TANGO6: variants seen among roughly 807,000 people sequenced by gnomAD.
TANGO6 encodes transport and golgi organization 6 homolog.
A neutral mutation model predicts 114.2 loss-of-function variants in TANGO6; 90 were observed. The ratio of observed to expected loss-of-function variants is 0.79; its 90% CI spans 0.66 to 0.94. The LOEUF is 0.94. Ranked by LOEUF, TANGO6 falls within the 40% of genes least tolerant of loss-of-function variation. The pLI is 0.00. For missense variants in TANGO6, 1,274 were observed against 1,315.3 expected (o/e 0.97, Z 0.49); for synonymous variants, 477 against 509.8 (o/e 0.94, Z 0.87).
chr16:68,982,764 G>A (rs1963851650), intron 15 of TANGO6, among the ~76,000 whole-genome samples: 1 of 151,196 alleles, frequency 6.6e-6, no homozygotes, highest in African/African-American at 2.4e-5. Context: ...GAGCCACGGT[G>A]CCCAGTCCTC....
chr16:69,007,681 C>T (rs531811895), intron 15 of TANGO6, among the ~76,000 whole-genome samples: 1 of 152,256 alleles, frequency 6.6e-6, no homozygotes, highest in East Asian at 1.9e-4. Context: ...AATGTGTTTT[C>T]AGTTCTCTCG....
chr16:68,875,032 AT>A, intron 4 of TANGO6, 121 bp from the exon 5 acceptor site: 1 of 1,056,254 alleles, frequency 9.5e-7, no homozygotes, highest in Non-Finnish European at 1.3e-6. Flanking sequence ...ATAGAAAAAA[AT>A]AAACTATTTT....
chr16:68,910,685 A>G (rs1962910538), intron 11 of TANGO6, among the ~76,000 whole-genome samples: 1 of 152,208 alleles, frequency 6.6e-6, no homozygotes, highest in African/African-American at 2.4e-5. Flanking sequence ...TTGTTTTATT[A>G]TTATTTTTTG....
At chr16:68,991,153 G>T (rs1307765660) in intron 15 of TANGO6, among the ~76,000 whole-genome samples, 2 of 152,210 alleles carry the variant, frequency 1.3e-5, no homozygotes, top group African/African-American at 4.8e-5. Flanking sequence ...GGAGAAGAAA[G>T]GCTAGATAGA....
intron 12 of TANGO6, among the ~76,000 whole-genome samples, chr16:68,925,193 C>T (rs573199175): frequency 4.6e-5 from 7 of 152,196 alleles, no homozygotes; most frequent in African/African-American, 1.7e-4. Flanking sequence ...ACCTGGAGTC[C>T]CAGCTACTCA....
At chr16:69,035,261 A>G (rs952441836) in intron 16 of TANGO6, 1 of 152,234 alleles carries the variant, frequency 6.6e-6, no homozygotes, top group Non-Finnish European at 1.5e-5. Context: ...GGTTTCTTTC[A>G]TGGCAGGTTG....
At chr16:68,865,949 G>C (rs1312913144) in intron 3 of TANGO6, among the ~76,000 whole-genome samples, 1 of 151,842 alleles carries the variant, frequency 6.6e-6, no homozygotes, top group Non-Finnish European at 1.5e-5. Flanking sequence ...CTCTTTCTTT[G>C]AACTGTGTCA....
chr16:68,978,186 C>T (rs1340375584), intron 15 of TANGO6, among the ~76,000 whole-genome samples: 3 of 152,106 alleles, frequency 2.0e-5, no homozygotes, highest in South Asian at 2.1e-4. Flanking sequence ...ACAACATCAA[C>T]GTAACATGTA....
At chr16:68,888,417 T>G (rs1233447263) in intron 7 of TANGO6, among the ~76,000 whole-genome samples, 1 of 152,194 alleles carries the variant, frequency 6.6e-6, no homozygotes, top group African/African-American at 2.4e-5. Context: ...TATTTGGACA[T>G]TTTTTGCTCG....
intron 17 of TANGO6, among the ~76,000 whole-genome samples, chr16:69,078,371 C>T (rs905117720): frequency 6.6e-6 from 1 of 152,186 alleles, no homozygotes; most frequent in African/African-American, 2.4e-5. Context: ...ATAGCAAGTC[C>T]AAGACACGTG....
intron 15 of TANGO6, 60 bp from the exon 16 acceptor site, chr16:69,022,768 C>A: frequency 6.6e-7 from 1 of 1,508,122 alleles, no homozygotes; most frequent in Non-Finnish European, 8.9e-7. Flanking sequence ...ATAATTCTTC[C>A]TTTTTTAAGA....
chr16:68,914,965 ACACACACACAC>A (rs1322909323), intron 11 of TANGO6, among the ~76,000 whole-genome samples: 1 of 98,278 alleles, frequency 1.0e-5, no homozygotes. Context: ...ATCTACACAC[ACACACACACAC>A]ACACACACAC....
At chr16:69,067,105 C>G (rs532880657) in intron 17 of TANGO6, among the ~76,000 whole-genome samples, 31 of 152,150 alleles carry the variant, frequency 2.0e-4, no homozygotes, top group Non-Finnish European at 3.8e-4. Context: ...CTGTGTTGCT[C>G]AGGCTGGCCT....
At chr16:68,906,792 CTTTTT>C (rs35841953) in intron 9 of TANGO6, among the ~76,000 whole-genome samples, 1 of 133,010 alleles carries the variant, frequency 7.5e-6, no homozygotes. Flanking sequence ...GTTTCTTCTT[CTTTTT>C]TTTTTTTTTT....
rs767329144 is a variant in TANGO6 at position 68,867,241 on chromosome 16, G to A, written c.994+21G>A. 7 of 1,613,198 alleles carry A rather than the reference G, an allele frequency of 4.3e-6. No homozygotes were observed. The Admixed American group carries it at 1.2e-4, about 27-fold the overall frequency. Reference sequence around the variant, plus strand: ...AGGTGGTAAGAAATAAAATGTTGCTGTGACTTTGGTATCTGTTTTCCTTTG... The same window carrying A: ...AGGTGGTAAGAAATAAAATGTTGCTATGACTTTGGTATCTGTTTTCCTTTG... On this transcript the variant is annotated intron_variant, in intron 4 of 17. Transcript: ENST00000261778.
chr16:68,894,946 G>A (rs1020920451), intron 7 of TANGO6, among the ~76,000 whole-genome samples: 2 of 152,064 alleles, frequency 1.3e-5, no homozygotes, highest in South Asian at 4.2e-4. Context: ...GATTGTGAAT[G>A]GATTTTGTCT....
At chr16:69,004,350 C>A (rs1467669427) in intron 15 of TANGO6, among the ~76,000 whole-genome samples, 1 of 150,398 alleles carries the variant, frequency 6.6e-6, no homozygotes, top group Non-Finnish European at 1.5e-5. Context: ...CAAATTATTT[C>A]TTTTCTTTTT....
At position 68,866,966 on chromosome 16, in the gene TANGO6, C is replaced by G. The variant is rs568476498; in HGVS notation, c.853-113C>G. On this transcript the variant is annotated intron_variant, in intron 3 of 17. Transcript: ENST00000261778. ...AAATAAATAAGTCTGCATATCATAGCTATTTCTCCTTTTTTTTTTTTTTTT... is the reference window on the plus strand; with the variant it reads ...AAATAAATAAGTCTGCATATCATAGGTATTTCTCCTTTTTTTTTTTTTTTT... The G allele has an allele frequency of 4.1e-6, 4 of 964,914 alleles. No individual in the cohort carries two copies. In the East Asian group the frequency reaches 1.1e-4, roughly 26 times the overall value. 59.8% of individuals were successfully genotyped at this position (964,914 alleles called of 1,614,324 possible).
chr16:68,979,143 C>T (rs774792195), intron 15 of TANGO6, among the ~76,000 whole-genome samples: 10 of 151,844 alleles, frequency 6.6e-5, no homozygotes, highest in Non-Finnish European at 1.3e-4. Context: ...CTGATCCCGA[C>T]CCCCTGGGCT....
Sources: gnomAD v4.1 joint callset for allele counts (sites outside exome capture counted in the v4.1 genomes callset) on GRCh38, gnomAD v4.1.1 for gene constraint, MANE v1.5 for transcripts, NCBI Gene and HGNC (gene_info 2026-07-23, HGNC 2026-07-21) for gene names.